CADM2: variants seen among roughly 807,000 people sequenced by gnomAD.
The protein encoded by CADM2 is cell adhesion molecule 2.
A neutral mutation model predicts 49.8 loss-of-function variants in CADM2; 12 were observed. The observed-to-expected ratio is 0.24, with a 90% CI of 0.15 to 0.39. The LOEUF (loss-of-function observed/expected upper bound fraction) is 0.39, where lower values mean the gene tolerates loss of function less well. Ranked by LOEUF, CADM2 falls within the 10% of genes least tolerant of loss-of-function variation. CADM2 has a pLI of 1.00. For synonymous variants in CADM2, 214 were observed against 175.4 expected (o/e 1.22, Z -1.74); for missense variants, 378 against 492.3 (o/e 0.77, Z 2.20).
chr3:85,642,285 T>C (rs537445249), intron 1 of CADM2, among the ~76,000 whole-genome samples: 2 of 152,278 alleles, frequency 1.3e-5, no homozygotes, highest in African/African-American at 2.4e-5. Context: ...ACGATGAATA[T>C]ATTATTTAAA....
intron 8 of CADM2, among the ~76,000 whole-genome samples, chr3:86,040,757 A>T (rs1365376728): frequency 1.3e-5 from 2 of 152,158 alleles, no homozygotes; most frequent in African/African-American, 4.8e-5. Context: ...CCTCGAGAAG[A>T]GCAACTCCAA....
chr3:86,027,210 A>C (rs1193041268), intron 8 of CADM2, among the ~76,000 whole-genome samples: 2 of 152,086 alleles, frequency 1.3e-5, no homozygotes, highest in Non-Finnish European at 2.9e-5. Flanking sequence ...ATATTTCACT[A>C]TTCTTTCCAC....
At chr3:85,052,876 G>C (rs2035939930) in intron 1 of CADM2, among the ~76,000 whole-genome samples, 1 of 152,004 alleles carries the variant, frequency 6.6e-6, no homozygotes, top group Non-Finnish European at 1.5e-5. Context: ...AATTAGTGCT[G>C]CATTATATGT....
chr3:85,273,832 C>T (rs1169609787), intron 1 of CADM2, among the ~76,000 whole-genome samples: 1 of 150,630 alleles, frequency 6.6e-6, no homozygotes, highest in African/African-American at 2.5e-5. Context: ...GTAATTAAAA[C>T]CATGATATTG....
chr3:85,944,963 C>T (rs537594255), intron 7 of CADM2, among the ~76,000 whole-genome samples: 5 of 151,788 alleles, frequency 3.3e-5, no homozygotes, highest in African/African-American at 7.3e-5. Flanking sequence ...CACAAAAAAC[C>T]CTTCAAAAAA....
intron 2 of CADM2, among the ~76,000 whole-genome samples, chr3:85,775,058 C>T (rs549172638): frequency 4.0e-5 from 6 of 151,712 alleles, no homozygotes; most frequent in Admixed American, 3.9e-4. Flanking sequence ...TTTACTATAG[C>T]ACTTTTATCA....
chr3:85,928,291 T>G (rs1293858733), intron 6 of CADM2, among the ~76,000 whole-genome samples: 4 of 152,124 alleles, frequency 2.6e-5, no homozygotes, highest in Admixed American at 2.6e-4. Flanking sequence ...CTCGAGTAGC[T>G]GGGATTACAG....
chr3:85,573,805 T>C (rs1338935340), intron 1 of CADM2, among the ~76,000 whole-genome samples: 1 of 152,196 alleles, frequency 6.6e-6, no homozygotes, highest in Non-Finnish European at 1.5e-5. Context: ...TCTCTGTGAC[T>C]ACTAATGTCT....
At chr3:85,281,744 G>A (rs542118934) in intron 1 of CADM2, among the ~76,000 whole-genome samples, 1 of 152,180 alleles carries the variant, frequency 6.6e-6, no homozygotes, top group Non-Finnish European at 1.5e-5. Flanking sequence ...TCTCAAGATG[G>A]TTGAGTAGTT....
At chr3:85,021,561 G>A (rs62250603) in intron 1 of CADM2, among the ~76,000 whole-genome samples, 131 of 152,232 alleles carry the variant, frequency 8.6e-4, no homozygotes, top group Non-Finnish European at 1.7e-3. Context: ...GATCACCTGA[G>A]GTCAGGTGTT....
chr3:85,437,526 G>A (rs2036988009), intron 1 of CADM2, among the ~76,000 whole-genome samples: 1 of 152,052 alleles, frequency 6.6e-6, no homozygotes, highest in Admixed American at 6.6e-5. Flanking sequence ...TGTTTCAGTG[G>A]TCTGGATTTT....
intron 1 of CADM2, among the ~76,000 whole-genome samples, chr3:85,336,732 C>G (rs1003724993): frequency 6.7e-6 from 1 of 149,908 alleles, no homozygotes; most frequent in Non-Finnish European, 1.5e-5. Flanking sequence ...GTTTTTCCTT[C>G]TGAGAGTTAA....
At chr3:85,134,537 G>A (rs947514427) in intron 1 of CADM2, among the ~76,000 whole-genome samples, 10 of 152,198 alleles carry the variant, frequency 6.6e-5, no homozygotes, top group African/African-American at 2.2e-4. Context: ...CACAGTTTTT[G>A]TAATTTTAGC....
chr3:85,051,202 T>C (rs1180247835), intron 1 of CADM2, among the ~76,000 whole-genome samples: 1 of 152,158 alleles, frequency 6.6e-6, no homozygotes, highest in African/African-American at 2.4e-5. Context: ...TAAATATAGT[T>C]TGAAAAAATT....
intron 8 of CADM2, among the ~76,000 whole-genome samples, chr3:86,025,245 C>G (rs1210343527): frequency 2.0e-5 from 3 of 151,974 alleles, no homozygotes; most frequent in Non-Finnish European, 2.9e-5. Context: ...TTAGTAGAGC[C>G]AGGGTTTCAC....
At chr3:85,766,296 C>A (rs963508109) in intron 2 of CADM2, among the ~76,000 whole-genome samples, 1 of 151,926 alleles carries the variant, frequency 6.6e-6, no homozygotes, top group Non-Finnish European at 1.5e-5. Context: ...AAGTTATTGT[C>A]CATAAAAGGA....
chr3:85,937,783 G>A (rs1209731897), intron 7 of CADM2, among the ~76,000 whole-genome samples: 1 of 151,818 alleles, frequency 6.6e-6, no homozygotes, highest in African/African-American at 2.4e-5. Context: ...TACCAAACTA[G>A]TCGTTTCTGG....
chr3:85,927,708 A>G (rs1255744939), intron 6 of CADM2, among the ~76,000 whole-genome samples: 3 of 152,324 alleles, frequency 2.0e-5, no homozygotes, highest in South Asian at 4.1e-4. Flanking sequence ...ATAGGAGGGT[A>G]CAGTAGTCTT....
intron 1 of CADM2, among the ~76,000 whole-genome samples, chr3:85,175,451 A>G (rs947043908): frequency 1.3e-5 from 2 of 152,192 alleles, no homozygotes; most frequent in Non-Finnish European, 2.9e-5. Flanking sequence ...AAATTCTGAC[A>G]TGTGCTACAG....
Sources: gnomAD v4.1 joint callset for allele counts (sites outside exome capture counted in the v4.1 genomes callset) on GRCh38, gnomAD v4.1.1 for gene constraint, MANE v1.5 for transcripts, NCBI Gene and HGNC (gene_info 2026-07-23, HGNC 2026-07-21) for gene names.